WWOX: variants seen among roughly 807,000 people sequenced by gnomAD.
The protein encoded by WWOX is WW domain-containing oxidoreductase.
A neutral mutation model predicts 46.2 loss-of-function variants in WWOX; 69 were observed. That is an observed-to-expected ratio of 1.49 (90% confidence interval 1.23 to 1.82). The LOEUF is 1.82. WWOX is among the 40% of genes most tolerant of loss of function. WWOX has a pLI of 0.00. For synonymous variants in WWOX, 359 were observed against 202.6 expected, an observed-to-expected ratio of 1.77 and a Z score of -6.56; for missense variants, 919 against 542.6, an observed-to-expected ratio of 1.69 and a Z score of -6.89.
At chr16:78,315,775 G>A (rs990405742) in intron 5 of WWOX, among the ~76,000 whole-genome samples, 24 of 152,084 alleles carry the variant, frequency 1.6e-4, no homozygotes, top group African/African-American at 5.5e-4. Flanking sequence ...CCATGTTATC[G>A]CCATTTTCAG....
chr16:78,983,823 C>T (rs2046730565), intron 8 of WWOX, among the ~76,000 whole-genome samples: 3 of 148,758 alleles, frequency 2.0e-5, no homozygotes, highest in South Asian at 2.1e-4. Context: ...TTAACTAATG[C>T]AGAACGATAG....
At chr16:79,142,606 A>G (rs1029689145) in intron 8 of WWOX, among the ~76,000 whole-genome samples, 4 of 152,220 alleles carry the variant, frequency 2.6e-5, no homozygotes, top group Non-Finnish European at 4.4e-5. Flanking sequence ...AAAATCACAG[A>G]GTCCATTTAT....
At chr16:78,634,533 C>T (rs564019266) in intron 8 of WWOX, among the ~76,000 whole-genome samples, 8 of 151,880 alleles carry the variant, frequency 5.3e-5, no homozygotes, top group Admixed American at 5.2e-4. Context: ...TGGTGAAACC[C>T]CGTCTCTACT....
At chr16:78,770,007 G>A (rs918121320) in intron 8 of WWOX, among the ~76,000 whole-genome samples, 1 of 152,022 alleles carries the variant, frequency 6.6e-6, no homozygotes, top group Non-Finnish European at 1.5e-5. Flanking sequence ...TCTCACCTCT[G>A]TACTACAGCC....
At chr16:78,514,932 G>T (rs1474634507) in intron 8 of WWOX, among the ~76,000 whole-genome samples, 1 of 152,136 alleles carries the variant, frequency 6.6e-6, no homozygotes, top group Non-Finnish European at 1.5e-5. Context: ...TGTGTTTTGA[G>T]AATCACAGGC....
intron 8 of WWOX, among the ~76,000 whole-genome samples, chr16:78,801,211 A>G (rs1023035147): frequency 2.6e-5 from 4 of 151,978 alleles, no homozygotes; most frequent in East Asian, 3.9e-4. Flanking sequence ...ACAAACAAAC[A>G]CCACTCACCA....
rs141258566 is a variant in WWOX, at chr16:79,136,438, C to T, written c.1057-75170C>T. On this transcript the variant is annotated intron_variant, in intron 8 of 8. Transcript: ENST00000566780. The stretch of plus-strand genomic sequence containing the variant: ...TAGAGACGGGATTTTACCATGTTGG[C>T]CAGGATGGTCTTGATCTCCTGACCT... 7.6e-3 allele frequency among the ~76,000 whole-genome samples: 1,162 copies of T among 152,142 alleles called. 17 individuals carry two copies. Among genetic ancestry groups the T allele is most frequent in the African/African-American group, 0.026 (1,070 of 41,472 alleles).
At chr16:78,861,750 T>C (rs1412661758) in intron 8 of WWOX, among the ~76,000 whole-genome samples, 1 of 152,236 alleles carries the variant, frequency 6.6e-6, no homozygotes, top group Non-Finnish European at 1.5e-5. Flanking sequence ...CATTTCCTTC[T>C]TTTGATTTTT....
At position 79,212,040 on chromosome 16, in the gene WWOX, G is replaced by C. The variant is rs1233809227; in HGVS notation, c.*244G>C. The C allele has an allele frequency of 2.6e-6, 4 of 1,536,294 alleles. No homozygotes were observed. Among genetic ancestry groups the C allele is most frequent in the South Asian group, 2.4e-5 (2 of 84,062 alleles). ...TCTCTTTGCTTTCTGGTGGTGGCCT[G>C]TTTGAAAGTAAAAACCTGCTTGGTG... On this transcript the variant is annotated 3_prime_UTR_variant, in exon 9 of 9. Transcript: ENST00000566780.
intron 5 of WWOX, among the ~76,000 whole-genome samples, chr16:78,336,182 A>G (rs1332868491): frequency 1.3e-5 from 2 of 152,054 alleles, no homozygotes; most frequent in African/African-American, 4.8e-5. Flanking sequence ...AATGAAATGA[A>G]AAGCCTACAG....
chr16:78,449,287 T>C (rs1008477141), intron 8 of WWOX, among the ~76,000 whole-genome samples: 20 of 152,204 alleles, frequency 1.3e-4, no homozygotes, highest in African/African-American at 4.8e-4. Flanking sequence ...CACAGTTCTT[T>C]GTAATGTAAC....
chr16:78,647,771 G>C (rs1302206376), intron 8 of WWOX, among the ~76,000 whole-genome samples: 1 of 152,190 alleles, frequency 6.6e-6, no homozygotes, highest in African/African-American at 2.4e-5. Flanking sequence ...CTGGACCCAA[G>C]ACAGAAATTT....
intron 8 of WWOX, among the ~76,000 whole-genome samples, chr16:79,042,913 G>A (rs2194344): frequency 0.45 from 68,114 of 151,952 alleles, 17,236 homozygotes; most frequent in African/African-American, 0.7. Context: ...TAAGTGATGC[G>A]TCAGAATTTC....
At chr16:78,784,286 G>A (rs1345625823) in intron 8 of WWOX, among the ~76,000 whole-genome samples, 1 of 152,078 alleles carries the variant, frequency 6.6e-6, no homozygotes, top group African/African-American at 2.4e-5. Flanking sequence ...TTCACAGGCA[G>A]AAAAGAGACA....
chr16:78,615,839 C>T (rs563339735), intron 8 of WWOX, among the ~76,000 whole-genome samples: 1 of 151,794 alleles, frequency 6.6e-6, no homozygotes, highest in South Asian at 2.1e-4. Flanking sequence ...TAAGCTCCGC[C>T]TCCCGAGTTC....
intron 8 of WWOX, among the ~76,000 whole-genome samples, chr16:78,479,155 G>A (rs2084427978): frequency 1.3e-5 from 2 of 152,152 alleles, no homozygotes; most frequent in South Asian, 4.1e-4. Context: ...GCAGAGAAAG[G>A]TGTTTTGTTT....
chr16:79,193,893 T>G (rs746711322), intron 8 of WWOX, among the ~76,000 whole-genome samples: 1 of 152,222 alleles, frequency 6.6e-6, no homozygotes, highest in Non-Finnish European at 1.5e-5. Context: ...ACTAGCTCCT[T>G]GCCTTCTGTA....
chr16:79,043,541 C>T (rs763795145), intron 8 of WWOX, among the ~76,000 whole-genome samples: 22 of 152,220 alleles, frequency 1.4e-4, no homozygotes, highest in Non-Finnish European at 1.3e-4. Context: ...ATCCAGGATC[C>T]GACAGCTTGC....
intron 8 of WWOX, among the ~76,000 whole-genome samples, chr16:78,940,234 A>G (rs1266993811): frequency 1.3e-5 from 2 of 152,250 alleles, no homozygotes; most frequent in South Asian, 2.1e-4. Context: ...GTTTGTGTGT[A>G]GAAATAGAAT....
Sources: allele counts gnomAD v4.1 joint callset (sites outside exome capture counted in the v4.1 genomes callset), GRCh38; gene constraint gnomAD v4.1.1; transcripts MANE v1.5; gene names NCBI Gene and HGNC (gene_info 2026-07-23, HGNC 2026-07-21).